WDR1: variants seen among roughly 807,000 people sequenced by gnomAD.
WDR1 encodes the protein WD repeat domain 1.
Under a neutral mutation model 71.9 loss-of-function variants are expected in WDR1, and 21 were observed. The ratio of observed to expected loss-of-function variants is 0.29; its 90% CI spans 0.21 to 0.42. The LOEUF is 0.42. Among genes scored for constraint, WDR1 ranks in the 10% least tolerant of loss-of-function variants. WDR1 has a pLI of 1.00. For missense variants in WDR1, 696 were observed against 824.5 expected (o/e 0.84, Z 1.91); for synonymous variants, 424 against 347.4 (o/e 1.22, Z -2.45).
intron 8 of WDR1, among the ~76,000 whole-genome samples, chr4:10,085,840 T>C (rs62288518): frequency 0.18 from 27,189 of 152,220 alleles, 2,683 homozygotes; most frequent in Admixed American, 0.24. Flanking sequence ...GCACCGAACA[T>C]CAGCATCTGC....
In WDR1 at chr4:10,078,951, G is replaced by A. The variant is rs1764905689; in HGVS notation, c.1335C>T (p.Gly445=). The A allele has an allele frequency of 3.7e-6, 6 of 1,612,686 alleles. No homozygotes were observed. The African/African-American group carries it at 6.7e-5, about 18-fold the overall frequency. Residue 445 remains glycine (G), a synonymous_variant, in exon 12 of 15, where the codon GGC becomes GGT. Coordinates refer to ENST00000499869, the MANE Select transcript of WDR1 (RefSeq NM_017491.5). ...GCACTGCCACAACTTCGGGCTCGTAGCCGGGGTTGTCGATGCTGAAGCACT... is the reference window on the plus strand; with the variant it reads ...GCACTGCCACAACTTCGGGCTCGTAACCGGGGTTGTCGATGCTGAAGCACT... ...QRKCFSIDNP[G]YEPEVVAVHP...
chr4:10,075,779 A>G, intron 14 of WDR1: 1 of 513,962 alleles, frequency 1.9e-6, no homozygotes, highest in Non-Finnish European at 3.5e-6. Flanking sequence ...TTGACAACCA[A>G]GTTCCACAGG....
chr4:10,111,242 C>G (rs1291576028), intron 2 of WDR1, among the ~76,000 whole-genome samples: 2 of 152,186 alleles, frequency 1.3e-5, no homozygotes, highest in Non-Finnish European at 2.9e-5. Flanking sequence ...CAGCACTTCT[C>G]AGCCTGGGTC....
Position 10,116,365 on chromosome 4 carries a change from C to T in WDR1, c.17-131G>A, listed in dbSNP as rs758559802. The T allele has an allele frequency of 1.8e-5, 25 of 1,360,370 alleles. No homozygotes were observed. In the African/African-American group the frequency reaches 2.8e-4, roughly 15 times the overall value. The allele number at this position is 1,360,370 out of a possible 1,614,324, so 84.3% of individuals were successfully genotyped here. A position where few individuals can be genotyped will look rare whatever the true frequency, so the allele number is the denominator to read the frequency against. On this transcript the variant is annotated intron_variant, in intron 1 of 14. Transcript: ENST00000499869. Reference sequence around the variant, plus strand: ...GCGCCGGGAGGGCGGCCTCCACTTTCCACGAGCGCCAGGAACCGCGCGACT... The same window carrying T: ...GCGCCGGGAGGGCGGCCTCCACTTTTCACGAGCGCCAGGAACCGCGCGACT...
chr4:10,116,531 G>A (rs981761642), intron 1 of WDR1, 120 bp downstream of exon 1: 8 of 812,012 alleles, frequency 9.9e-6, no homozygotes, highest in African/African-American at 3.7e-5. Context: ...CCTCCGGCCG[G>A]CGCCCGCACC....
chr4:10,103,267 T>TACAC (rs5856031), intron 3 of WDR1, among the ~76,000 whole-genome samples: 1 of 142,910 alleles, frequency 7.0e-6, no homozygotes, highest in Non-Finnish European at 1.6e-5. Context: ...CATTCACACA[T>TACAC]ACACACACAC....
chr4:10,093,305 T>C (rs111682667), intron 5 of WDR1: 40 of 424,888 alleles, frequency 9.4e-5, no homozygotes, highest in African/African-American at 8.0e-4. Context: ...GGACAGGCTC[T>C]CGGTCCCCTG....
chr4:10,097,741 T>C lies in WDR1; in HGVS notation c.528A>G (p.Gly176=). 1 of 1,609,358 alleles carries C rather than the reference T, an allele frequency of 6.2e-7. No individual in the cohort carries two copies. Among genetic ancestry groups the C allele is most frequent in the Non-Finnish European group, 8.5e-7 (1 of 1,177,686 alleles). The change falls in exon 5 of 15, where the codon GGA becomes GGG. Residue 176 remains glycine, a synonymous_variant. Coordinates refer to ENST00000499869, the MANE Select transcript of WDR1 (RefSeq NM_017491.5). ...TTGTGAACTTGAACTTGAATGGGGGTCCCTCAAAGAATGCCGCGCAGTTAT... is the reference window on the plus strand; with the variant it reads ...TTGTGAACTTGAACTTGAATGGGGGCCCCTCAAAGAATGCCGCGCAGTTAT... ...SDDNCAAFFE[G]PPFKFKFTIG...
chr4:10,088,861 A>T, intron 5 of WDR1, 120 bp from the exon 6 acceptor site: 1 of 797,072 alleles, frequency 1.3e-6, no homozygotes, highest in Non-Finnish European at 2.1e-6. Context: ...CTGTTAGTCC[A>T]CTGGAAAATT....
intron 10 of WDR1, among the ~76,000 whole-genome samples, 165 bp from the exon 11 acceptor site, chr4:10,081,609 T>A (rs565048776): frequency 7.6e-6 from 1 of 132,166 alleles, no homozygotes; most frequent in South Asian, 2.5e-4. Flanking sequence ...GAAAAAACGA[T>A]CCATGACTCT....
chr4:10,114,428 C>T (rs780291327), intron 2 of WDR1, among the ~76,000 whole-genome samples: 8 of 152,174 alleles, frequency 5.3e-5, no homozygotes, highest in African/African-American at 1.7e-4. Flanking sequence ...TTTAGAGTAA[C>T]GGACCCATGT....
chr4:10,086,068 C>G (rs1485970378), intron 8 of WDR1, among the ~76,000 whole-genome samples: 2 of 152,158 alleles, frequency 1.3e-5, no homozygotes, highest in Non-Finnish European at 2.9e-5. Context: ...GGACGGCAGA[C>G]CTGAGGGCTG....
chr4:10,088,067 G>A (rs1484868696), intron 7 of WDR1, 127 bp from the exon 8 acceptor site: 1 of 994,642 alleles, frequency 1.0e-6, no homozygotes, highest in Non-Finnish European at 1.5e-6. Flanking sequence ...GGTGGGACAT[G>A]AGTGAGGCCA....
At position 10,083,186 on chromosome 4, in the gene WDR1, G is replaced by C; in HGVS notation, c.1040-8C>G. Reference sequence around the variant, plus strand: ...TCTCTGAATCCCAGTAATGTAGGGTGGGGTTAAGGAAAAGCCCGGCTCCCA... The same window carrying C: ...TCTCTGAATCCCAGTAATGTAGGGTCGGGTTAAGGAAAAGCCCGGCTCCCA... On this transcript the variant is annotated splice_polypyrimidine_tract_variant and splice_region_variant and intron_variant, in intron 9 of 14. Coordinates refer to ENST00000499869, the MANE Select transcript of WDR1 (RefSeq NM_017491.5). 4.3e-6 allele frequency: 7 copies of C among 1,612,422 alleles called. No homozygotes were observed. Among genetic ancestry groups the C allele is most frequent in the Non-Finnish European group, 5.9e-6 (7 of 1,179,138 alleles).
In WDR1 at chr4:10,098,983, G is replaced by A. The variant is rs369831277; in HGVS notation, c.377+9C>T. The A allele has an allele frequency of 1.2e-6, 2 of 1,613,978 alleles. No individual in the cohort carries two copies. Among genetic ancestry groups the A allele is most frequent in the Admixed American group, 1.7e-5 (1 of 60,028 alleles). ...ACAGGGCAGGGAGGGGCTGAGAGGA[G>A]TGACTCACTTCTCCCTTCCTTCCCC... is the stretch of plus-strand genomic sequence containing the variant. On this transcript the variant is annotated intron_variant, in intron 4 of 14. Transcript: ENST00000499869.
rs1045737594 is a variant in WDR1, at chr4:10,116,076, C to G, written c.138+37G>C. ...CGAATTATCCCATCCCAAGGTGGCT[C>G]CGGAGCAGAACCGCGCCCGGGGTAG... On this transcript the variant is annotated intron_variant, in intron 2 of 14. Transcript: ENST00000499869. 2.5e-6 allele frequency: 4 copies of G among 1,599,892 alleles called. 1 individual carries two copies. In the Admixed American group the frequency reaches 6.8e-5, roughly 27 times the overall value.
chr4:10,110,913 C>T (rs1480864761), intron 2 of WDR1, among the ~76,000 whole-genome samples: 1 of 152,222 alleles, frequency 6.6e-6, no homozygotes, highest in African/African-American at 2.4e-5. Flanking sequence ...ATTACCCCTC[C>T]CTGAAAATCA....
intron 5 of WDR1, chr4:10,092,517 T>TG: frequency 1.3e-5 from 2 of 155,774 alleles, no homozygotes; most frequent in Admixed American, 1.3e-4. Flanking sequence ...TGGTGTCATG[T>TG]GTCCCTCCCT....
In WDR1 at chr4:10,083,203, C is replaced by T. The variant is rs369684573; in HGVS notation, c.1040-25G>A. ...TGTAGGGTGGGGTTAAGGAAAAGCCCGGCTCCCAGGACTGCTGGGTGTTCT... is the reference window on the plus strand; with the variant it reads ...TGTAGGGTGGGGTTAAGGAAAAGCCTGGCTCCCAGGACTGCTGGGTGTTCT... On this transcript the variant is annotated intron_variant, in intron 9 of 14. Transcript: ENST00000499869. The T allele has an allele frequency of 7.6e-4, 1,229 of 1,607,202 alleles. 7 individuals carry two copies. The Middle Eastern group carries it at 0.012, about 16-fold the overall frequency.
Sources: allele counts gnomAD v4.1 joint callset (sites outside exome capture counted in the v4.1 genomes callset), GRCh38; gene constraint gnomAD v4.1.1; transcripts MANE v1.5; gene names NCBI Gene and HGNC (gene_info 2026-07-23, HGNC 2026-07-21).